The following TOX3 variants were observed in gnomAD, a reference collection of about 807,000 sequenced individuals.
TOX3 encodes the protein CAG trinucleotide repeat-containing gene F9 protein.
A neutral mutation model predicts 64.3 loss-of-function variants in TOX3; 22 were observed. That is an observed-to-expected ratio of 0.34 (90% CI 0.24 to 0.49). TOX3 has a LOEUF of 0.49. Ranked by LOEUF, TOX3 falls within the 20% of genes least tolerant of loss-of-function variation. TOX3 has a pLI of 0.99. For synonymous variants in TOX3, 291 were observed against 273.6 expected (o/e 1.06, Z -0.63); for missense variants, 661 against 714.4 (o/e 0.93, Z 0.85).
chr16:52,479,481 A>T (rs1432407730), intron 1 of TOX3, among the ~76,000 whole-genome samples: 1 of 152,208 alleles, frequency 6.6e-6, no homozygotes, highest in African/African-American at 2.4e-5. Flanking sequence ...ATAAAATTTG[A>T]GGCATAATTT....
chr16:52,471,117 A>G (rs1474330157), intron 1 of TOX3, among the ~76,000 whole-genome samples: 2 of 152,218 alleles, frequency 1.3e-5, no homozygotes, highest in East Asian at 3.9e-4. Flanking sequence ...TTGCTTTAGT[A>G]TAAGTATATC....
At position 52,439,475 on chromosome 16, in the gene TOX3, T is replaced by A; in HGVS notation, c.1481A>T (p.Gln494Leu). Reference protein sequence around the residue: ...HHMQQHLQQQQQHLQQQINQQ... With the variant: ...HHMQQHLQQQLQHLQQQINQQ... ...ATTAATTTGCTGCTGGAGATGCTGC[T>A]GCTGCTGCTGCAGGTGCTGCTGCAT... Residue 494 changes from glutamine to leucine, a missense_variant, in exon 7 of 7, where the codon CAG becomes CTG. Gln to Leu is a moderately radical substitution (Grantham distance 113). Transcript: ENST00000219746. The A allele has an allele frequency of 1.4e-6, 2 of 1,421,622 alleles. No homozygotes were observed. The highest frequency in any genetic ancestry group is 1.9e-6 in the Non-Finnish European group (2 of 1,028,770). The allele number at this position is 1,421,622 out of a possible 1,614,324, so 88.1% of individuals were successfully genotyped here. A position where few individuals can be genotyped will look rare whatever the true frequency, so the allele number is the denominator to read the frequency against.
rs1241226291 is a variant in TOX3 at position 52,444,344 on chromosome 16, T to C, written c.919A>G (p.Lys307Glu). The C allele has an allele frequency of 3.2e-6, 5 of 1,580,232 alleles. No homozygotes were observed. Among genetic ancestry groups the C allele is most frequent in the Admixed American group, 1.8e-5 (1 of 56,046 alleles). ...GEEQKQVYKR[K>E]TEAAKKEYLK... ...TATTCTTTTTTGGCAGCTTCTGTTT[T>C]CCTTTTATATACCTATTAAAAGACC... The change falls in exon 6 of 7, where the codon AAA (lysine) becomes GAA (glutamate). Residue 307 changes from lysine to glutamate, a missense_variant. Physicochemically the swap from Lys to Glu is moderately conservative, Grantham distance 56. Transcript: ENST00000219746.
intron 2 of TOX3, 32 bp downstream of exon 2, chr16:52,468,477 A>G: frequency 6.3e-7 from 1 of 1,595,974 alleles, no homozygotes; most frequent in Non-Finnish European, 8.6e-7. Context: ...AACACAAAAA[A>G]CAGGAACAAA....
intron 1 of TOX3, among the ~76,000 whole-genome samples, chr16:52,486,205 C>G (rs1000951550): frequency 1.3e-5 from 2 of 151,928 alleles, no homozygotes; most frequent in African/African-American, 4.8e-5. Flanking sequence ...AGAGGAGAAC[C>G]CTGAAGAACA....
chr16:52,443,420 T>C (rs1446573067), intron 6 of TOX3, among the ~76,000 whole-genome samples: 3 of 152,112 alleles, frequency 2.0e-5, no homozygotes, highest in Non-Finnish European at 4.4e-5. Flanking sequence ...TTGATACAAA[T>C]ACTTAATACA....
In TOX3 at chr16:52,438,501, G is replaced by A. The variant is rs1959822584; in HGVS notation, c.*724C>T. The A allele has an allele frequency of 8.7e-6, 1 of 114,960 alleles. No homozygotes were observed. The highest frequency in any genetic ancestry group is 1.8e-5 in the Non-Finnish European group (1 of 56,788). The allele number at this position is 114,960 out of a possible 1,614,324, so 7.1% of individuals were successfully genotyped here. On this transcript the variant is annotated 3_prime_UTR_variant, in exon 7 of 7. Transcript: ENST00000219746. ...CTTGTCACTCAAAACACGGAATATA[G>A]TATTCACATTTCTTCTAATTGGAAT...
intron 1 of TOX3, among the ~76,000 whole-genome samples, chr16:52,511,566 G>T (rs2151472173): frequency 6.6e-6 from 1 of 152,248 alleles, no homozygotes. Context: ...GTGACTATAA[G>T]ATGTCCTAAA....
chr16:52,538,051 G>T (rs912014200), intron 1 of TOX3, among the ~76,000 whole-genome samples: 3 of 151,992 alleles, frequency 2.0e-5, no homozygotes, highest in African/African-American at 7.2e-5. Flanking sequence ...TTTCTCACTT[G>T]CAACCAAAGC....
intron 1 of TOX3, among the ~76,000 whole-genome samples, chr16:52,489,543 C>T (rs929825089): frequency 3.9e-5 from 6 of 152,142 alleles, no homozygotes; most frequent in Admixed American, 3.3e-4. Flanking sequence ...GAAACAGTCA[C>T]TCTAAGCCAG....
intron 1 of TOX3, among the ~76,000 whole-genome samples, chr16:52,534,290 T>A (rs1016168465): frequency 6.6e-6 from 1 of 151,930 alleles, no homozygotes; most frequent in Admixed American, 6.6e-5. Context: ...CAGAGGAGAT[T>A]AGGTAGTAGT....
chr16:52,492,600 A>C (rs1311478415), intron 1 of TOX3, among the ~76,000 whole-genome samples: 3 of 58,360 alleles, frequency 5.1e-5, no homozygotes, highest in East Asian at 1.1e-3. Context: ...TATATTCCTT[A>C]ATTTTTTCCT....
chr16:52,466,330 T>C (rs911397709), intron 2 of TOX3, among the ~76,000 whole-genome samples: 2 of 152,052 alleles, frequency 1.3e-5, no homozygotes, highest in East Asian at 1.9e-4. Flanking sequence ...AAACTCAGAG[T>C]ATCCTAGTTC....
intron 1 of TOX3, among the ~76,000 whole-genome samples, chr16:52,506,324 C>G (rs1230683481): frequency 2.0e-5 from 3 of 152,126 alleles, no homozygotes; most frequent in East Asian, 3.9e-4. Context: ...CATTTTCCCC[C>G]AACTGATGGA....
At position 52,464,158 on chromosome 16, in the gene TOX3, C is replaced by T; in HGVS notation, c.184G>A (p.Glu62Lys). 1 of 1,570,566 alleles carries T rather than the reference C, an allele frequency of 6.4e-7. No individual in the cohort carries two copies. The change falls in exon 3 of 7, where the codon GAG becomes AAG. Residue 62 changes from glutamate (E) to lysine (K), a missense_variant. Physicochemically the swap from Glu to Lys is moderately conservative, Grantham distance 56. Transcript: ENST00000219746. ...GTGATTGGTGGAATTTCGAATTCCT[C>T]GTCCCCAAGGCTTGGTGTGTGGAAT... is the stretch of plus-strand genomic sequence containing the variant. ...QTFHTPSLGD[E>K]EFEIPPITPP...
rs1438067234 is a variant in TOX3, at chr16:52,534,095, G to A, written c.87+12542C>T. Among the ~76,000 whole-genome samples the A allele has an allele frequency of 2.6e-5, 4 of 152,184 alleles. No homozygotes were observed. In the East Asian group the frequency reaches 7.7e-4, roughly 29 times the overall value. Reference sequence around the variant, plus strand: ...ACTGGGACTGCAAAAGAGTATGAAAGACTTGGAATATCCATTGTGGACAAT... The same window carrying A: ...ACTGGGACTGCAAAAGAGTATGAAAAACTTGGAATATCCATTGTGGACAAT... On this transcript the variant is annotated intron_variant, in intron 1 of 6. Coordinates refer to ENST00000219746, the MANE Select transcript of TOX3 (RefSeq NM_001080430.4).
intron 1 of TOX3, among the ~76,000 whole-genome samples, chr16:52,493,142 C>T (rs1208983477): frequency 1.3e-5 from 2 of 152,232 alleles, no homozygotes; most frequent in African/African-American, 4.8e-5. Context: ...GAATCGGTGA[C>T]TTATAACTGG....
intron 5 of TOX3, 63 bp from the exon 6 acceptor site, chr16:52,444,419 C>T (rs1321345448): frequency 2.2e-6 from 3 of 1,363,632 alleles, no homozygotes; most frequent in African/African-American, 2.9e-5. Context: ...AAAATAGCTG[C>T]TGCACAAATT....
intron 1 of TOX3, among the ~76,000 whole-genome samples, chr16:52,491,743 A>G (rs550422684): frequency 1.2e-4 from 18 of 152,314 alleles, no homozygotes; most frequent in Non-Finnish European, 2.5e-4. Flanking sequence ...TATTTTCTGC[A>G]TAGATGAAGA....
Sources: allele counts gnomAD v4.1 joint callset (sites outside exome capture counted in the v4.1 genomes callset), GRCh38; gene constraint gnomAD v4.1.1; transcripts MANE v1.5; gene names NCBI Gene and HGNC (gene_info 2026-07-23, HGNC 2026-07-21).